MCPH1: variants seen among roughly 807,000 people sequenced by gnomAD.
The protein encoded by MCPH1 is microcephalin.
A neutral mutation model predicts 84.5 loss-of-function variants in MCPH1; 104 were observed. That is an observed-to-expected ratio of 1.23 (90% CI 1.05 to 1.45). The LOEUF (loss-of-function observed/expected upper bound fraction) is 1.45. MCPH1 is among the 40% of genes most tolerant of loss of function. The pLI is 0.00. For synonymous variants in MCPH1, 514 were observed against 366.8 expected (o/e 1.40, Z -4.58); for missense variants, 1,498 against 1,005.7 (o/e 1.49, Z -6.62).
At chr8:6,627,788 G>C (rs961652779) in intron 13 of MCPH1, among the ~76,000 whole-genome samples, 49 of 152,254 alleles carry the variant, frequency 3.2e-4, no homozygotes, top group African/African-American at 9.6e-4. Context: ...CTACATGAGA[G>C]GCTAAGGTGG....
At chr8:6,625,421 T>C (rs1164209840) in intron 13 of MCPH1, 2 of 985,336 alleles carry the variant, frequency 2.0e-6, no homozygotes, top group Non-Finnish European at 2.4e-6. Flanking sequence ...TCATTTCCAT[T>C]ATAACAAATG....
chr8:6,420,967 G>A (rs1422391163), intron 3 of MCPH1, among the ~76,000 whole-genome samples: 1 of 152,188 alleles, frequency 6.6e-6, no homozygotes, highest in Non-Finnish European at 1.5e-5. Context: ...AGTACACTGG[G>A]AAGAGTCCCA....
chr8:6,574,530 CACTT>C (rs1312130714), intron 12 of MCPH1, among the ~76,000 whole-genome samples: 10 of 152,338 alleles, frequency 6.6e-5, no homozygotes, highest in African/African-American at 2.4e-4. Flanking sequence ...CTATCCATAA[CACTT>C]ACGATGTTTA....
At position 6,465,821 on chromosome 8, in the gene MCPH1, G is replaced by C. The variant is rs140545237; in HGVS notation, c.1935+10569G>C. Among the ~76,000 whole-genome samples the C allele has an allele frequency of 2.2e-3, 330 of 152,268 alleles. 2 individuals are homozygous for C. Among genetic ancestry groups the C allele is most frequent in the African/African-American group, 7.8e-3 (322 of 41,544 alleles). ...CAGAAATGCACAGCTGTACGTATTT[G>C]TCTTGAAGGCTAGAATTTACTTTAA... On this transcript the variant is annotated intron_variant, in intron 9 of 13. Coordinates refer to ENST00000344683, the MANE Select transcript of MCPH1 (RefSeq NM_024596.5).
chr8:6,447,200 A>C (rs1804525893), intron 8 of MCPH1: 3 of 985,272 alleles, frequency 3.0e-6, no homozygotes, highest in Admixed American at 6.1e-5. Context: ...TCAATGTTTT[A>C]AACTGTCCAC....
intron 5 of MCPH1, among the ~76,000 whole-genome samples, chr8:6,437,969 C>T (rs1214662623): frequency 6.6e-6 from 1 of 152,148 alleles, no homozygotes; most frequent in African/African-American, 2.4e-5. Flanking sequence ...AAGGACATCC[C>T]CTCCCTGGTT....
intron 12 of MCPH1, among the ~76,000 whole-genome samples, chr8:6,569,485 C>A (rs1373071525): frequency 6.6e-6 from 1 of 152,246 alleles, no homozygotes; most frequent in East Asian, 1.9e-4. Flanking sequence ...ACAGTTCCAG[C>A]CATGGGATTT....
At chr8:6,525,387 A>G (rs1393884896) in intron 12 of MCPH1, among the ~76,000 whole-genome samples, 1 of 151,990 alleles carries the variant, frequency 6.6e-6, no homozygotes, top group African/African-American at 2.4e-5. Context: ...GTGCCACCAC[A>G]TCTGGCTAAT....
At chr8:6,616,065 A>C (rs1306972786) in intron 12 of MCPH1, 4 of 152,122 alleles carry the variant, frequency 2.6e-5, no homozygotes, top group Non-Finnish European at 5.9e-5. Flanking sequence ...ACCAGTTAGG[A>C]AGGTTTCGCG....
chr8:6,647,197 GA>G lies in MCPH1; in HGVS notation c.*4151del, dbSNP rs1414754074. 1 of 152,072 alleles carries G rather than the reference GA, an allele frequency of 6.6e-6. No individual in the cohort carries two copies. Among genetic ancestry groups the G allele is most frequent in the Non-Finnish European group, 1.5e-5 (1 of 67,996 alleles). 9.4% of individuals were successfully genotyped at this position (152,072 alleles called of 1,614,324 possible). ...ATGCTCAATATTATTAGTCACTAGG[GA>G]AATACAAATTAAAGGCCCAATGAAA... On this transcript the variant is annotated 3_prime_UTR_variant, in exon 14 of 14. Transcript: ENST00000344683.
intron 2 of MCPH1, among the ~76,000 whole-genome samples, chr8:6,410,923 C>G (rs772530934): frequency 1.3e-5 from 2 of 152,022 alleles, no homozygotes; most frequent in Non-Finnish European, 2.9e-5. Flanking sequence ...AACCCCATCT[C>G]TACTAAAAAT....
intron 12 of MCPH1, among the ~76,000 whole-genome samples, chr8:6,566,972 A>G (rs6990203): frequency 0.03 from 1,383 of 45,454 alleles, 1 homozygote; most frequent in Non-Finnish European, 0.036. Context: ...CATGGATAGT[A>G]CACGCGGTGC....
rs959786415 is a variant in MCPH1 at position 6,458,208 on chromosome 8, C to T, written c.1935+2956C>T. On this transcript the variant is annotated intron_variant, in intron 9 of 13. Coordinates refer to ENST00000344683, the MANE Select transcript of MCPH1 (RefSeq NM_024596.5). The stretch of plus-strand genomic sequence containing the variant: ...GATTTGCGGGCTGGGTGCGGTGGCT[C>T]ACACCTGTAATCCCAGCGCTTTGGG... 3.3e-5 allele frequency among the ~76,000 whole-genome samples: 5 copies of T among 152,220 alleles called. No homozygotes were observed. The South Asian group carries it at 8.3e-4, about 25-fold the overall frequency.
At chr8:6,462,482 T>C (rs952829941) in intron 9 of MCPH1, among the ~76,000 whole-genome samples, 1 of 152,248 alleles carries the variant, frequency 6.6e-6, no homozygotes, top group Non-Finnish European at 1.5e-5. Flanking sequence ...TCAGTAATGA[T>C]GGAATCATCA....
chr8:6,493,184 G>A (rs1374499992), intron 11 of MCPH1, among the ~76,000 whole-genome samples: 1 of 152,198 alleles, frequency 6.6e-6, no homozygotes, highest in Non-Finnish European at 1.5e-5. Flanking sequence ...TGTGAGTACA[G>A]TGGTGACATG....
chr8:6,421,856 C>G (rs935601915), intron 3 of MCPH1, among the ~76,000 whole-genome samples: 11 of 152,236 alleles, frequency 7.2e-5, no homozygotes, highest in South Asian at 4.2e-4. Flanking sequence ...TCCAAATGCT[C>G]TGGGCTTCCA....
Position 6,432,766 on chromosome 8 carries a change from T to C in MCPH1, c.321+1180T>C, listed in dbSNP as rs117245098. On this transcript the variant is annotated intron_variant, in intron 4 of 13. Transcript: ENST00000344683. ...AAGCCATAGTTTGCCCATGCAGTGA[T>C]AGATGAACTTCTTCAGTCTTACCTG... Among the ~76,000 whole-genome samples the C allele has an allele frequency of 7.2e-5, 11 of 152,392 alleles. No individual in the cohort carries two copies. The East Asian group carries it at 1.9e-3, about 27-fold the overall frequency.
At chr8:6,623,721 A>AAAAT in intron 13 of MCPH1, among the ~76,000 whole-genome samples, 1 of 118,886 alleles carries the variant, frequency 8.4e-6, no homozygotes, top group African/African-American at 3.3e-5. Flanking sequence ...AAAAAAAACT[A>AAAAT]TTGATTTTAG....
At chr8:6,572,459 C>T (rs890465006) in intron 12 of MCPH1, among the ~76,000 whole-genome samples, 1 of 152,178 alleles carries the variant, frequency 6.6e-6, no homozygotes, top group Non-Finnish European at 1.5e-5. Context: ...ATTGTTATTA[C>T]AATTGTTAAT....
Sources: gnomAD v4.1 joint callset for allele counts (sites outside exome capture counted in the v4.1 genomes callset) on GRCh38, gnomAD v4.1.1 for gene constraint, MANE v1.5 for transcripts, NCBI Gene and HGNC (gene_info 2026-07-23, HGNC 2026-07-21) for gene names.